GSDME: variants seen among roughly 807,000 people sequenced by gnomAD.
The protein encoded by GSDME is gasdermin E.
GSDME carries 44 observed loss-of-function variants against 47.5 expected under a neutral mutation model. The observed-to-expected ratio is 0.93, with a 90% CI of 0.73 to 1.19. GSDME has a LOEUF of 1.19. Ranked by LOEUF, GSDME falls within the 50% of genes most tolerant of loss-of-function variation. The probability of loss-of-function intolerance (pLI) is 0.00; values close to 1 mark genes in which losing one functional copy is unlikely to be tolerated. For synonymous variants in GSDME, 258 were observed against 252.8 expected (o/e 1.02, Z -0.20); for missense variants, 663 against 604.2 (o/e 1.10, Z -1.02).
At chr7:24,782,625 C>A in the GSDME span, among the ~76,000 whole-genome samples, 2 of 152,150 alleles carry the variant, frequency 1.3e-5, no homozygotes, top group Non-Finnish European at 2.9e-5. Context: ...AGTTCTAGAT[C>A]CTTGAGGAAT....
chr7:24,718,459 A>G (rs956509526), intron 4 of GSDME, among the ~76,000 whole-genome samples: 2 of 152,198 alleles, frequency 1.3e-5, no homozygotes, highest in African/African-American at 2.4e-5. Context: ...TACCTGCCCT[A>G]ACTCAACCCA....
At chr7:24,751,806 ATAC>A (rs1403232616) in intron 1 of GSDME, among the ~76,000 whole-genome samples, 3 of 152,240 alleles carry the variant, frequency 2.0e-5, no homozygotes, top group Non-Finnish European at 4.4e-5. Context: ...AGTACCTACT[ATAC>A]TACTGTGTTG....
chr7:24,770,424 C>T, the GSDME span, among the ~76,000 whole-genome samples: 1 of 152,056 alleles, frequency 6.6e-6, no homozygotes, highest in Admixed American at 6.6e-5. The surrounding 1 kb of genome is among the most constrained non-coding windows in gnomAD (Gnocchi z 4.6). Flanking sequence ...TGAGTCATTC[C>T]AGAGAATTAT....
At chr7:24,784,770 G>C in the GSDME span, among the ~76,000 whole-genome samples, 1 of 151,886 alleles carries the variant, frequency 6.6e-6, no homozygotes, top group African/African-American at 2.4e-5. Context: ...ATGCTGGCCA[G>C]GCTGGTCTCA....
At position 24,726,432 on chromosome 7, in the gene GSDME, C is replaced by T. The variant is rs1789967309; in HGVS notation, c.405-7214G>A. On this transcript the variant is annotated intron_variant, in intron 3 of 9. Transcript: ENST00000645220. The surrounding 1 kb of genome is among the most constrained non-coding windows in gnomAD (Gnocchi z 5.6). The stretch of plus-strand genomic sequence containing the variant: ...ATTCATCTCCACAAATACCTGAGTT[C>T]TGCTATGCTCCAGGCACCAGGCCAG... Among the ~76,000 whole-genome samples, 1 of 152,168 alleles carries T rather than the reference C, an allele frequency of 6.6e-6. No individual in the cohort carries two copies.
chr7:24,729,652 A>T (rs1396592236), intron 3 of GSDME, among the ~76,000 whole-genome samples: 1 of 152,242 alleles, frequency 6.6e-6, no homozygotes, highest in East Asian at 1.9e-4. Context: ...TGAACATCAG[A>T]CAAGGACTGG....
At chr7:24,771,492 G>A in the GSDME span, among the ~76,000 whole-genome samples, 21 of 152,304 alleles carry the variant, frequency 1.4e-4, no homozygotes, top group East Asian at 1.2e-3. The surrounding 1 kb of genome is among the most constrained non-coding windows in gnomAD (Gnocchi z 4.1). Flanking sequence ...GCTTGGCACC[G>A]TCTGAAATAG....
chr7:24,706,679 G>C (rs911719592), intron 7 of GSDME, among the ~76,000 whole-genome samples: 19 of 152,336 alleles, frequency 1.2e-4, no homozygotes, highest in Admixed American at 1.3e-4. Context: ...GTTACACACA[G>C]AACTGGGGAG....
rs894363189 is a variant in GSDME, at chr7:24,739,162, A to C, written c.404+5400T>G. ...CATATCAAGTTAAAGACTTCTGCACAGCAATGAAACAACAAAATGAAGAGA... is the reference window on the plus strand; with the variant it reads ...CATATCAAGTTAAAGACTTCTGCACCGCAATGAAACAACAAAATGAAGAGA... On this transcript the variant is annotated intron_variant, in intron 3 of 9. Transcript: ENST00000645220. This position sits in a 1 kb window ranked among gnomAD's most constrained non-coding sequence, Gnocchi z 5.1. Among the ~76,000 whole-genome samples the C allele has an allele frequency of 1.5e-4, 23 of 152,246 alleles. No homozygotes were observed. The highest frequency in any genetic ancestry group is 5.5e-4 in the African/African-American group (23 of 41,468).
intron 2 of GSDME, among the ~76,000 whole-genome samples, chr7:24,748,529 C>T (rs1000585919): frequency 3.9e-5 from 6 of 152,144 alleles, no homozygotes; most frequent in South Asian, 2.1e-4. Flanking sequence ...CAAGTGTCAA[C>T]GGGAATTAAC....
At chr7:24,706,012 A>AG (rs1253105563) in intron 8 of GSDME, 172 bp downstream of exon 8, 1 of 706,722 alleles carries the variant, frequency 1.4e-6, no homozygotes. Flanking sequence ...TCGAGACCGA[A>AG]GGGGGGTTTC....
At chr7:24,793,297 G>A in the GSDME span, among the ~76,000 whole-genome samples, 1,447 of 152,196 alleles carry the variant, frequency 9.5e-3, 18 homozygotes, top group African/African-American at 0.033. Flanking sequence ...AGAAAAACCC[G>A]TGGTGTTTTT....
chr7:24,779,077 T>C, the GSDME span, among the ~76,000 whole-genome samples: 5 of 152,324 alleles, frequency 3.3e-5, no homozygotes, highest in Non-Finnish European at 5.9e-5. This position sits in a 1 kb window ranked among gnomAD's most constrained non-coding sequence, Gnocchi z 6.0. Context: ...TGCAGCCAAC[T>C]TCCAGCAGCC....
chr7:24,767,238 C>A, the GSDME span, among the ~76,000 whole-genome samples: 9 of 152,120 alleles, frequency 5.9e-5, no homozygotes, highest in Non-Finnish European at 1.5e-5. This position sits in a 1 kb window ranked among gnomAD's most constrained non-coding sequence, Gnocchi z 5.3. Flanking sequence ...GCAGAAGTAT[C>A]GCTTGAACCT....
chr7:24,710,151 G>T, intron 6 of GSDME, 73 bp downstream of exon 6: 1 of 1,520,580 alleles, frequency 6.6e-7, no homozygotes, highest in South Asian at 1.1e-5. Context: ...GATGCTGAAG[G>T]CCACACCACC....
Position 24,714,438 on chromosome 7 carries a change from A to G in GSDME, c.697+2816T>C, listed in dbSNP as rs1231905814. Among the ~76,000 whole-genome samples, 1 of 152,150 alleles carries G rather than the reference A, an allele frequency of 6.6e-6. No homozygotes were observed. Among genetic ancestry groups the G allele is most frequent in the Non-Finnish European group, 1.5e-5 (1 of 68,026 alleles). On this transcript the variant is annotated intron_variant, in intron 5 of 9. Transcript: ENST00000645220. This position sits in a 1 kb window ranked among gnomAD's most constrained non-coding sequence, Gnocchi z 5.0. ...AACAGAAAACGGATGGGCAAAAAAA[A>G]GAAAAGAAATAGCAGAACTGGTTTA...
At chr7:24,767,089 C>G in the GSDME span, among the ~76,000 whole-genome samples, 1 of 152,158 alleles carries the variant, frequency 6.6e-6, no homozygotes, top group African/African-American at 2.4e-5. This position sits in a 1 kb window ranked among gnomAD's most constrained non-coding sequence, Gnocchi z 5.3. Flanking sequence ...CTTGGGAGGC[C>G]AAAGCGGGGT....
At chr7:24,770,977 C>G in the GSDME span, among the ~76,000 whole-genome samples, 6 of 151,302 alleles carry the variant, frequency 4.0e-5, no homozygotes, top group Non-Finnish European at 8.8e-5. The surrounding 1 kb of genome is among the most constrained non-coding windows in gnomAD (Gnocchi z 4.6). Flanking sequence ...GAACCAGAAG[C>G]AATATTTAGA....
chr7:24,703,182 T>A, intron 8 of GSDME: 1 of 353,038 alleles, frequency 2.8e-6, no homozygotes. Context: ...TTTGAGACCC[T>A]CCACACATTC....
Sources: allele counts gnomAD v4.1 joint callset (sites outside exome capture counted in the v4.1 genomes callset), GRCh38; gene constraint gnomAD v4.1.1; non-coding constraint Gnocchi (gnomAD v3.1); transcripts MANE v1.5; gene names NCBI Gene and HGNC (gene_info 2026-07-23, HGNC 2026-07-21).